PRR11: variants seen among roughly 807,000 people sequenced by gnomAD.
The protein encoded by PRR11 is proline-rich protein 11.
A neutral mutation model predicts 45.6 loss-of-function variants in PRR11; 30 were observed. The observed-to-expected ratio is 0.66, with a 90% CI of 0.49 to 0.89. The LOEUF (loss-of-function observed/expected upper bound fraction) is 0.89. Ranked by LOEUF, PRR11 falls within the 40% of genes least tolerant of loss-of-function variation. The pLI is 0.00. For missense variants in PRR11, 373 were observed against 424.8 expected, an observed-to-expected ratio of 0.88 and a Z score of 1.07; for synonymous variants, 128 against 153.5, an observed-to-expected ratio of 0.83 and a Z score of 1.23.
chr17:59,193,123 C>T (rs2046847077), intron 4 of PRR11, among the ~76,000 whole-genome samples: 1 of 152,140 alleles, frequency 6.6e-6, no homozygotes, highest in Non-Finnish European at 1.5e-5. Context: ...GTTGTCCAGG[C>T]TGGTCTCGAA....
chr17:59,168,369 C>T (rs192976576), intron 1 of PRR11, among the ~76,000 whole-genome samples: 332 of 152,134 alleles, frequency 2.2e-3, no homozygotes, highest in Non-Finnish European at 3.4e-3. Context: ...AGGGTTTTGC[C>T]ATGTTGGCCA....
intron 2 of PRR11, among the ~76,000 whole-genome samples, chr17:59,178,275 A>G (rs1379918873): frequency 2.0e-5 from 3 of 152,184 alleles, no homozygotes; most frequent in Admixed American, 6.6e-5. Flanking sequence ...CTTCAGCTGC[A>G]GTGAGCCAAG....
At chr17:59,187,146 C>T (rs1156562141) in intron 4 of PRR11, among the ~76,000 whole-genome samples, 1 of 152,032 alleles carries the variant, frequency 6.6e-6, no homozygotes, top group African/African-American at 2.4e-5. Context: ...AAAGTGGAGA[C>T]TGCTGTGAGC....
At chr17:59,178,635 T>C (rs1381589472) in intron 2 of PRR11, 1 of 517,094 alleles carries the variant, frequency 1.9e-6, no homozygotes, top group Non-Finnish European at 3.9e-6. Flanking sequence ...AGTCTCAGGA[T>C]TGCTGCCACA....
At chr17:59,167,880 C>G (rs2046687447) in intron 1 of PRR11, among the ~76,000 whole-genome samples, 1 of 152,160 alleles carries the variant, frequency 6.6e-6, no homozygotes, top group Admixed American at 6.5e-5. Flanking sequence ...CCTGTTTTAT[C>G]AGAAGGGTCT....
rs1028957484 is a variant in PRR11, at chr17:59,202,229, T to C, written c.*598T>C. The C allele has an allele frequency of 6.5e-6, 1 of 153,436 alleles. No homozygotes were observed. Among genetic ancestry groups the C allele is most frequent in the Non-Finnish European group, 1.5e-5 (1 of 68,886 alleles). The allele number at this position is 153,436 out of a possible 1,614,324, so 9.5% of individuals were successfully genotyped here. ...TTAGATTAGAGAGGTTGTTCAAATT[T>C]AACTAGATAACTCTAGTTTGTACTG... On this transcript the variant is annotated 3_prime_UTR_variant, in exon 10 of 10. Coordinates refer to ENST00000262293, the MANE Select transcript of PRR11 (RefSeq NM_018304.4).
At chr17:59,186,673 G>A (rs951422310) in intron 4 of PRR11, among the ~76,000 whole-genome samples, 1 of 152,072 alleles carries the variant, frequency 6.6e-6, no homozygotes, top group African/African-American at 2.4e-5. Context: ...GGGATTGCAG[G>A]CGTGAGCCAT....
chr17:59,168,919 G>C (rs1486906672), intron 1 of PRR11, among the ~76,000 whole-genome samples: 1 of 151,888 alleles, frequency 6.6e-6, no homozygotes, highest in Non-Finnish European at 1.5e-5. Context: ...AATCCTCCTT[G>C]TCAGGGATAA....
At chr17:59,182,228 A>G (rs569681084) in intron 2 of PRR11, among the ~76,000 whole-genome samples, 1 of 151,450 alleles carries the variant, frequency 6.6e-6, no homozygotes, top group African/African-American at 2.4e-5. Flanking sequence ...GGGTTTCACC[A>G]TGTTGACCAG....
At chr17:59,201,474 C>T in intron 9 of PRR11, 89 bp from the exon 10 acceptor site, 4 of 1,373,380 alleles carry the variant, frequency 2.9e-6, no homozygotes, top group Non-Finnish European at 4.1e-6. Context: ...TGTTGCCATG[C>T]AAAAATTCTG....
intron 2 of PRR11, chr17:59,179,636 G>A: frequency 6.6e-7 from 1 of 1,512,852 alleles, no homozygotes; most frequent in Non-Finnish European, 9.0e-7. Context: ...TGCTCTCTGG[G>A]GTGTCCTCCT....
intron 2 of PRR11, among the ~76,000 whole-genome samples, chr17:59,171,854 G>T (rs2046710598): frequency 6.6e-6 from 1 of 151,912 alleles, no homozygotes; most frequent in African/African-American, 2.4e-5. Flanking sequence ...GATAAAAAGT[G>T]TACTCGCTTC....
chr17:59,175,081 T>G, intron 2 of PRR11: 1 of 583,534 alleles, frequency 1.7e-6, no homozygotes, highest in Non-Finnish European at 3.0e-6. Context: ...TAGAAAATGT[T>G]TCATTTGGAG....
At chr17:59,184,200 G>A (rs577326864) in intron 2 of PRR11, among the ~76,000 whole-genome samples, 10 of 152,236 alleles carry the variant, frequency 6.6e-5, no homozygotes, top group Middle Eastern at 3.4e-3. Context: ...AGTGGCTCAC[G>A]CCTGTAATCC....
chr17:59,165,079 G>A (rs1358305195), intron 1 of PRR11, among the ~76,000 whole-genome samples: 2 of 152,066 alleles, frequency 1.3e-5, no homozygotes, highest in African/African-American at 4.8e-5. Context: ...AGAGTGCAGT[G>A]GCTCAGTCTC....
intron 1 of PRR11, chr17:59,160,845 C>T (rs2046647659): frequency 6.6e-6 from 1 of 151,994 alleles, no homozygotes; most frequent in African/African-American, 2.4e-5. Flanking sequence ...GTGAGCCTCC[C>T]GCCTCACCCT....
Position 59,193,720 on chromosome 17 carries a change from G to A in PRR11, c.631G>A (p.Ala211Thr), listed in dbSNP as rs1471862354. The part of the protein sequence containing the change: ...APVLLRKPSL[A>T]KALQAGPLKK... ...TGTGTTGCTCAGAAAACCCAGTCTC[G>A]CTAAAGCACTTCAGGTAGGTAACAA... The change falls in exon 5 of 10, where the codon GCT becomes ACT. Residue 211 changes from alanine to threonine, a missense_variant. Physicochemically the swap from Ala to Thr is moderately conservative, Grantham distance 58. Transcript: ENST00000262293. 5.6e-6 allele frequency: 9 copies of A among 1,613,580 alleles called. No individual in the cohort carries two copies. The highest frequency in any genetic ancestry group is 2.2e-5 in the East Asian group (1 of 44,884).
rs1478927388 is a variant in PRR11 at position 59,177,232 on chromosome 17, G to C, written c.128+7352G>C. 6 of 547,026 alleles carry C rather than the reference G, an allele frequency of 1.1e-5. No individual in the cohort carries two copies. The African/African-American group carries it at 1.2e-4, about 11-fold the overall frequency. 33.9% of individuals were successfully genotyped at this position (547,026 alleles called of 1,614,324 possible). ...GAAGAGGCCGGCGCGGCTAAAATAT[G>C]CTATGACCATAGCCAGGAGATACTG... On this transcript the variant is annotated intron_variant, in intron 2 of 9. Transcript: ENST00000262293.
intron 2 of PRR11, chr17:59,174,904 C>A: frequency 8.8e-7 from 1 of 1,132,668 alleles, no homozygotes; most frequent in African/African-American, 1.5e-5. Context: ...CCTTGTCCAG[C>A]CTCCAGCCCA....
Sources: gnomAD v4.1 joint callset for allele counts (sites outside exome capture counted in the v4.1 genomes callset) on GRCh38, gnomAD v4.1.1 for gene constraint, MANE v1.5 for transcripts, NCBI Gene and HGNC (gene_info 2026-07-23, HGNC 2026-07-21) for gene names.